Variants in MYPN observed in about 807,000 individuals in gnomAD.
MYPN encodes sarcomeric protein myopalladin, 145 kDa (MYOP).
A neutral mutation model predicts 129.4 loss-of-function variants in MYPN; 63 were observed. That is an observed-to-expected ratio of 0.49 (90% confidence interval 0.40 to 0.60). MYPN has a LOEUF of 0.60. MYPN is among the 20% of genes least tolerant of loss of function. The pLI is 0.00. For synonymous variants in MYPN, 629 were observed against 600.9 expected (o/e 1.05, Z -0.68); for missense variants, 1,596 against 1,635.4 (o/e 0.98, Z 0.42).
intron 10 of MYPN, among the ~76,000 whole-genome samples, chr10:68,171,181 A>G (rs2043139466): frequency 6.6e-6 from 1 of 151,916 alleles, no homozygotes; most frequent in Admixed American, 6.6e-5. Flanking sequence ...GAAAAAAGAA[A>G]TAACCCTGAG....
In MYPN at chr10:68,204,744, A is replaced by AAAAG. The variant is rs908401491; in HGVS notation, c.3660-2025_3660-2024insAAGA. ...CTGTCTCAAAAAAAAAAAAAAAAAA[A>AAAAG]AGAGAATACAAACTGATTATATCAA... is the stretch of plus-strand genomic sequence containing the variant. On this transcript the variant is annotated intron_variant, in intron 18 of 19. Transcript: ENST00000358913. 1.8e-3 allele frequency among the ~76,000 whole-genome samples: 278 copies of AAAAG among 151,400 alleles called. 1 individual carries two copies. Among genetic ancestry groups the AAAAG allele is most frequent in the African/African-American group, 6.4e-3 (264 of 41,152 alleles).
chr10:68,188,457 T>C (rs1485418606), intron 12 of MYPN, among the ~76,000 whole-genome samples: 1 of 151,180 alleles, frequency 6.6e-6, no homozygotes, highest in Non-Finnish European at 1.5e-5. Flanking sequence ...AGTAGAGATA[T>C]ATTTTTCAAG....
At position 68,145,477 on chromosome 10, in the gene MYPN, G is replaced by T. The variant is rs527628617; in HGVS notation, c.1081G>T (p.Val361Phe). The change falls in exon 4 of 20, where the codon GTT (valine) becomes TTT (phenylalanine). Residue 361 changes from valine to phenylalanine, a missense_variant and splice_region_variant. Val to Phe is a conservative substitution (Grantham distance 50, BLOSUM62 -1). Coordinates refer to ENST00000358913, the MANE Select transcript of MYPN (RefSeq NM_032578.4). ...STSAEIYIEG[V>F]SSSDSEGDPN... ...ATGTCTTGTTTTTATTTTTCCAGGG[G>T]TTTCTTCTTCTGACTCAGAAGGCGA... 9.3e-6 allele frequency: 15 copies of T among 1,612,616 alleles called. No homozygotes were observed. The highest frequency in any genetic ancestry group is 3.3e-5 in the South Asian group (3 of 91,064).
chr10:68,146,406 A>C (rs568617651), intron 4 of MYPN, among the ~76,000 whole-genome samples: 1 of 152,192 alleles, frequency 6.6e-6, no homozygotes, highest in Non-Finnish European at 1.5e-5. Context: ...CACACGCATC[A>C]CTGCTTCCTT....
chr10:68,092,779 TATACTC>T (rs1429178961), intron 1 of MYPN, among the ~76,000 whole-genome samples: 1 of 152,220 alleles, frequency 6.6e-6, no homozygotes, highest in Non-Finnish European at 1.5e-5. Flanking sequence ...ATTTCATTCT[TATACTC>T]ATTGTAAATT....
In MYPN at chr10:68,169,120, C is replaced by T. The variant is rs150427000; in HGVS notation, c.1973+2454C>T. Among the ~76,000 whole-genome samples, 265 of 137,686 alleles carry T rather than the reference C, an allele frequency of 1.9e-3. 2 individuals are homozygous for T. Among genetic ancestry groups the T allele is most frequent in the African/African-American group, 7.3e-3 (251 of 34,450 alleles). 90.3% of individuals were successfully genotyped at this position (137,686 alleles called of 152,430 possible). A position where few individuals can be genotyped will look rare whatever the true frequency, so the allele number is the denominator to read the frequency against. ...CAGCACTTTGGGAGGCCAAGGCGGG[C>T]GGATCACGAGTTCAGGAGATCGAGA... On this transcript the variant is annotated intron_variant, in intron 10 of 19. Coordinates refer to ENST00000358913, the MANE Select transcript of MYPN (RefSeq NM_032578.4).
intron 10 of MYPN, among the ~76,000 whole-genome samples, chr10:68,171,414 C>T (rs529702565): frequency 7.2e-5 from 11 of 152,236 alleles, no homozygotes; most frequent in African/African-American, 2.2e-4. Flanking sequence ...TCAGCATCAC[C>T]TGGAAGCTTG....
intron 6 of MYPN, among the ~76,000 whole-genome samples, chr10:68,154,133 T>C (rs775934167): frequency 6.6e-6 from 1 of 152,232 alleles, no homozygotes; most frequent in African/African-American, 2.4e-5. Flanking sequence ...TGTTTTTAGA[T>C]GCTCTTTAAC....
At chr10:68,158,800 A>G (rs777588485) in intron 7 of MYPN, among the ~76,000 whole-genome samples, 173 bp downstream of exon 7, 1 of 152,204 alleles carries the variant, frequency 6.6e-6, no homozygotes, top group Non-Finnish European at 1.5e-5. Flanking sequence ...GAATTTTTCC[A>G]TGCATAGTTT....
chr10:68,194,793 C>A (rs1484174117), intron 14 of MYPN, among the ~76,000 whole-genome samples: 1 of 152,218 alleles, frequency 6.6e-6, no homozygotes, highest in Non-Finnish European at 1.5e-5. Flanking sequence ...TGTTTCTCAA[C>A]ACATTGATTC....
intron 10 of MYPN, among the ~76,000 whole-genome samples, chr10:68,173,310 C>T (rs1388165757): frequency 6.6e-6 from 1 of 152,308 alleles, no homozygotes; most frequent in East Asian, 1.9e-4. Context: ...GTAACTCACA[C>T]TGGCATGTAG....
intron 2 of MYPN, among the ~76,000 whole-genome samples, chr10:68,138,065 A>G (rs1036602462): frequency 3.3e-5 from 5 of 151,952 alleles, no homozygotes; most frequent in African/African-American, 1.2e-4. Context: ...TGCTTCATCA[A>G]GGACATTTTT....
rs2042247845 is a variant in MYPN at position 68,121,840 on chromosome 10, G to T, written c.402G>T (p.Glu134Asp). Residue 134 changes from glutamate to aspartate, a missense_variant, in exon 2 of 20, where the codon GAG becomes GAT. Physicochemically the swap from Glu to Asp is conservative, Grantham distance 45. Coordinates refer to ENST00000358913, the MANE Select transcript of MYPN (RefSeq NM_032578.4). ...SPTSSKESPQ[E>D]AKRPQYCSET... ...CCAGCTCTAAAGAAAGCCCCCAGGA[G>T]GCAAAAAGGCCACAGTATTGTTCTG... 1 of 1,614,082 alleles carries T rather than the reference G, an allele frequency of 6.2e-7. No homozygotes were observed. Among genetic ancestry groups the T allele is most frequent in the East Asian group, 2.2e-5 (1 of 44,880 alleles).
At chr10:68,163,537 G>C (rs963968899) in intron 8 of MYPN, among the ~76,000 whole-genome samples, 2 of 152,070 alleles carry the variant, frequency 1.3e-5, no homozygotes, top group Non-Finnish European at 2.9e-5. Flanking sequence ...GCTGAGGCGA[G>C]AGAATGGTGT....
upstream of MYPN, chr10:68,109,330 C>G: frequency 3.3e-6 from 1 of 305,724 alleles, no homozygotes; most frequent in Non-Finnish European, 6.6e-6. Context: ...GGGCCTCTAG[C>G]TATAAGGGAA....
chr10:68,156,397 A>G (rs1232327923), intron 6 of MYPN, among the ~76,000 whole-genome samples: 3 of 152,162 alleles, frequency 2.0e-5, no homozygotes, highest in Admixed American at 2.0e-4. Context: ...CCTGTTTTCC[A>G]TTCTTGTCGT....
intron 8 of MYPN, 126 bp from the exon 9 acceptor site, chr10:68,165,576 T>A: frequency 1.3e-6 from 1 of 784,200 alleles, no homozygotes; most frequent in East Asian, 2.6e-5. Context: ...TGACCAATTG[T>A]TTTCAAAGAA....
chr10:68,199,688 A>C, intron 17 of MYPN, 113 bp downstream of exon 17: 3 of 1,059,660 alleles, frequency 2.8e-6, no homozygotes, highest in Non-Finnish European at 4.3e-6. Flanking sequence ...TCCAATCTCA[A>C]TTTCCCCTTC....
chr10:68,131,821 T>C (rs187655478), intron 2 of MYPN, among the ~76,000 whole-genome samples: 42 of 152,386 alleles, frequency 2.8e-4, no homozygotes, highest in Admixed American at 1.6e-3. Context: ...AATGGCATCA[T>C]TGTTAAAAAT....
Sources: allele counts gnomAD v4.1 joint callset (sites outside exome capture counted in the v4.1 genomes callset), GRCh38; gene constraint gnomAD v4.1.1; transcripts MANE v1.5; gene names NCBI Gene and HGNC (gene_info 2026-07-23, HGNC 2026-07-21).